Variants in ST6GALNAC6 observed in about 807,000 individuals in gnomAD.
ST6GALNAC6 encodes ST6 N-acetylgalactosaminide alpha-2,6-sialyltransferase 6, also known as alpha-N-acetylgalactosaminide alpha-2,6-sialyltransferase 6.
A neutral mutation model predicts 34.3 loss-of-function variants in ST6GALNAC6; 19 were observed. That is an observed-to-expected ratio of 0.55 (90% confidence interval 0.39 to 0.81). The LOEUF is 0.81. Among genes scored for constraint, ST6GALNAC6 ranks in the 40% least tolerant of loss-of-function variants. The pLI, the probability that ST6GALNAC6 is intolerant of heterozygous loss-of-function variation, is 0.00. For synonymous variants in ST6GALNAC6, 185 were observed against 182.1 expected (o/e 1.02, Z -0.13); for missense variants, 377 against 467.7 (o/e 0.81, Z 1.79).
chr9:127,893,724 G>A (rs1830281615), intron 4 of ST6GALNAC6, among the ~76,000 whole-genome samples: 1 of 152,224 alleles, frequency 6.6e-6, no homozygotes, highest in Non-Finnish European at 1.5e-5. Context: ...TCTTAGGGTA[G>A]AGAAAGACTC....
At chr9:127,894,454 G>A in intron 4 of ST6GALNAC6, 58 bp downstream of exon 4, 2 of 1,590,622 alleles carry the variant, frequency 1.3e-6, no homozygotes, top group Non-Finnish European at 8.6e-7. Flanking sequence ...GAAAGAACAG[G>A]TGGAGGGAGT....
At chr9:127,897,714 T>G in intron 2 of ST6GALNAC6, 1 of 932,122 alleles carries the variant, frequency 1.1e-6, no homozygotes, top group Non-Finnish European at 1.5e-6. Flanking sequence ...GGTGGCCCCA[T>G]CTGCCCTGAG....
chr9:127,886,978 T>TTA (rs59930592), intron 6 of ST6GALNAC6, among the ~76,000 whole-genome samples, 190 bp from the exon 7 acceptor site: 1 of 151,120 alleles, frequency 6.6e-6, no homozygotes, highest in Non-Finnish European at 1.5e-5. Context: ...TTTTTTTTTT[T>TTA]AAATGCAGTG....
At chr9:127,901,122 C>T (rs1363554608), upstream of ST6GALNAC6, among the ~76,000 whole-genome samples, 1 of 151,628 alleles carries the variant, frequency 6.6e-6, no homozygotes, top group South Asian at 2.1e-4. Flanking sequence ...ATAGCAGCAT[C>T]GCTATGGGGA....
At chr9:127,887,312 G>C (rs1829834525) in intron 6 of ST6GALNAC6, among the ~76,000 whole-genome samples, 172 bp downstream of exon 6, 1 of 152,142 alleles carries the variant, frequency 6.6e-6, no homozygotes, top group Admixed American at 6.5e-5. Context: ...GGAGCTTGGA[G>C]TGGAGGCCCC....
At chr9:127,887,399 A>T in intron 6 of ST6GALNAC6, 85 bp downstream of exon 6, 1 of 1,149,910 alleles carries the variant, frequency 8.7e-7, no homozygotes, top group South Asian at 1.3e-5. Context: ...AGGCACCTTC[A>T]GCCAAGGTTT....
chr9:127,892,497 AG>A (rs1210674594), intron 4 of ST6GALNAC6, among the ~76,000 whole-genome samples: 2 of 152,320 alleles, frequency 1.3e-5, no homozygotes, highest in South Asian at 2.1e-4. Flanking sequence ...TTCTCTTCGT[AG>A]ATGCATGATT....
chr9:127,901,041 T>C (rs1200654348), upstream of ST6GALNAC6, among the ~76,000 whole-genome samples: 1 of 137,778 alleles, frequency 7.3e-6, no homozygotes, highest in African/African-American at 2.8e-5. Context: ...AACAAAGTTG[T>C]AAACATTTGC....
intron 1 of ST6GALNAC6, 121 bp from the exon 2 acceptor site, chr9:127,898,131 A>G (rs976376154): frequency 1.5e-6 from 1 of 653,540 alleles, no homozygotes; most frequent in African/African-American, 1.8e-5. Context: ...GCGGTGGCTC[A>G]CGTCTGTAAT....
chr9:127,897,219 T>C (rs915563585), intron 2 of ST6GALNAC6: 2 of 985,494 alleles, frequency 2.0e-6, no homozygotes, highest in African/African-American at 3.5e-5. Context: ...AAAGGGAAAA[T>C]GTACTGTGTC....
At chr9:127,906,029 C>A (rs538108882), upstream of ST6GALNAC6, 13 of 985,512 alleles carry the variant, frequency 1.3e-5, no homozygotes, top group South Asian at 9.4e-5. Flanking sequence ...CTCCTCCCCC[C>A]TCCCATTCCT....
intron 5 of ST6GALNAC6, 103 bp from the exon 6 acceptor site, chr9:127,887,694 C>T (rs1275294629): frequency 2.3e-6 from 2 of 888,094 alleles, no homozygotes; most frequent in Non-Finnish European, 1.8e-6. Context: ...CTCCCATCCA[C>T]TCATCAGGGC....
In ST6GALNAC6 at chr9:127,894,699, G is replaced by C. The variant is rs1830344481; in HGVS notation, c.118-8C>G. The C allele has an allele frequency of 1.9e-6, 3 of 1,612,046 alleles. No individual in the cohort carries two copies. The African/African-American group carries it at 4.0e-5, about 22-fold the overall frequency. On this transcript the variant is annotated splice_polypyrimidine_tract_variant and splice_region_variant and intron_variant, in intron 3 of 6. Coordinates refer to ENST00000373146, the MANE Select transcript of ST6GALNAC6 (RefSeq NM_013443.5). Reference sequence around the variant, plus strand: ...CACTGCTGACCGCTGCTCCTGGAGAGAGGAGAGGTCAGTGAGGGCCCAGCT... The same window carrying C: ...CACTGCTGACCGCTGCTCCTGGAGACAGGAGAGGTCAGTGAGGGCCCAGCT...
Position 127,890,649 on chromosome 9 carries a change from G to A in ST6GALNAC6, c.692C>T (p.Thr231Met), listed in dbSNP as rs1236383754. 14 of 1,613,072 alleles carry A rather than the reference G, an allele frequency of 8.7e-6. No homozygotes were observed. The highest frequency in any genetic ancestry group is 1.3e-5 in the African/African-American group (1 of 74,944). ...AGGAGGCTGGTACCTGTCCTTGCCC[G>A]TCTCACCCCGGAAGAGGTCGTCAAA... ...RQFDDLFRGE[T>M]GKDREKSHSW... is the part of the protein sequence containing the mutation. Residue 231 changes from threonine to methionine, a missense_variant, in exon 5 of 7, where the codon ACG becomes ATG. Coordinates refer to ENST00000373146, the MANE Select transcript of ST6GALNAC6 (RefSeq NM_013443.5). The surrounding 1 kb of genome is among the most constrained non-coding windows in gnomAD (Gnocchi z 4.3).
Position 127,890,230 on chromosome 9 carries a change from C to T in ST6GALNAC6, c.704+407G>A, listed in dbSNP as rs1830054895. On this transcript the variant is annotated intron_variant, in intron 5 of 6. Coordinates refer to ENST00000373146, the MANE Select transcript of ST6GALNAC6 (RefSeq NM_013443.5). The surrounding 1 kb of genome is among the most constrained non-coding windows in gnomAD (Gnocchi z 4.3). ...GCAGGGCATGCTGGGAGTGATGCAT[C>T]GCTGGAGCAGAGCATGCCAGGAGCA... 6.6e-6 allele frequency among the ~76,000 whole-genome samples: 1 copy of T among 152,152 alleles called. No individual in the cohort carries two copies. The highest frequency in any genetic ancestry group is 6.5e-5 in the Admixed American group (1 of 15,276).
At position 127,890,571 on chromosome 9, in the gene ST6GALNAC6, C is replaced by A; in HGVS notation, c.704+66G>T. On this transcript the variant is annotated intron_variant, in intron 5 of 6. Transcript: ENST00000373146. This position sits in a 1 kb window ranked among gnomAD's most constrained non-coding sequence, Gnocchi z 4.3. ...CAGTGCATGCTGGGAGCAACAGGCC[C>A]TCTGGATGGGGCATGCTGAGAAGGA... 4.4e-6 allele frequency: 7 copies of A among 1,602,240 alleles called. No homozygotes were observed. The highest frequency in any genetic ancestry group is 6.0e-6 in the Non-Finnish European group (7 of 1,173,084).
In ST6GALNAC6 at chr9:127,886,534, G is replaced by A. The variant is rs746682265; in HGVS notation, c.*65C>T. On this transcript the variant is annotated 3_prime_UTR_variant, in exon 7 of 7. Coordinates refer to ENST00000373146, the MANE Select transcript of ST6GALNAC6 (RefSeq NM_013443.5). ...CTTGATTGGCCAGAAGATGGTCCCT[G>A]GCCTAGCGGCTGGGCGGAGGCTGCT... is the stretch of plus-strand genomic sequence containing the variant. 8 of 1,592,738 alleles carry A rather than the reference G, an allele frequency of 5.0e-6. No individual in the cohort carries two copies. In the South Asian group the frequency reaches 9.1e-5, roughly 18 times the overall value.
chr9:127,900,828 A>T (rs1010195008), upstream of ST6GALNAC6, among the ~76,000 whole-genome samples: 1 of 148,124 alleles, frequency 6.8e-6, no homozygotes, highest in African/African-American at 2.5e-5. Context: ...TACTAAAAAT[A>T]CACAAATTAG....
intron 1 of ST6GALNAC6, chr9:127,904,744 CAG>C (rs1830871244): frequency 6.6e-6 from 1 of 152,336 alleles, no homozygotes; most frequent in Non-Finnish European, 1.5e-5. Flanking sequence ...GGCCTGCACA[CAG>C]GGGCTGCTCC....
Sources: allele counts gnomAD v4.1 joint callset (sites outside exome capture counted in the v4.1 genomes callset), GRCh38; gene constraint gnomAD v4.1.1; non-coding constraint Gnocchi (gnomAD v3.1); transcripts MANE v1.5; gene names NCBI Gene and HGNC (gene_info 2026-07-23, HGNC 2026-07-21).